The following ADNP variants were observed in gnomAD, a reference collection of about 807,000 sequenced individuals.
The protein encoded by ADNP is activity-dependent neuroprotector homeobox protein.
A neutral mutation model predicts 84.9 loss-of-function variants in ADNP; 4 were observed. The observed-to-expected ratio is 0.05, with a 90% confidence interval of 0.02 to 0.11. ADNP has a LOEUF of 0.11. Among genes scored for constraint, ADNP ranks in the 10% least tolerant of loss-of-function variants. ADNP has a pLI of 1.00. For synonymous variants in ADNP, 554 were observed against 468.1 expected (o/e 1.18, Z -2.37); for missense variants, 1,132 against 1,326.0 (o/e 0.85, Z 2.27).
At position 50,930,129 on chromosome 20, in the gene ADNP, T is replaced by TA. The variant is rs906624015; in HGVS notation, c.-265+696dup. On this transcript the variant is annotated intron_variant, in intron 1 of 5. Coordinates refer to ENST00000621696, the MANE Select transcript of ADNP (RefSeq NM_001282531.3). ...CAAAACTACTCCCCATTCATTACATTAAAAAAAAATCTTTTTGCAGCTCTC... is the reference window on the plus strand; with the variant it reads ...CAAAACTACTCCCCATTCATTACATTAAAAAAAAAATCTTTTTGCAGCTCTC... Among the ~76,000 whole-genome samples, 17 of 151,654 alleles carry TA rather than the reference T, an allele frequency of 1.1e-4. No homozygotes were observed. The East Asian group carries it at 1.9e-3, about 17-fold the overall frequency.
rs186024569 is a variant in ADNP, at chr20:50,907,205, G to A, written c.-89-2356C>T. The stretch of plus-strand genomic sequence containing the variant: ...TGGTCTTGATCTGACCTCGTGATCC[G>A]CCCATCTTGTGATCCGCCCATCTCA... On this transcript the variant is annotated intron_variant, in intron 2 of 5. Transcript: ENST00000621696. 2.1e-4 allele frequency among the ~76,000 whole-genome samples: 31 copies of A among 151,116 alleles called. No individual in the cohort carries two copies. The East Asian group carries it at 3.5e-3, about 17-fold the overall frequency.
chr20:50,918,910 T>C (rs1050456939), intron 2 of ADNP, among the ~76,000 whole-genome samples: 4 of 152,122 alleles, frequency 2.6e-5, no homozygotes, highest in African/African-American at 4.8e-5. Flanking sequence ...AACAATCTAA[T>C]GGTAAATAAA....
chr20:50,912,180 A>T (rs1983098314), intron 2 of ADNP, among the ~76,000 whole-genome samples: 1 of 152,094 alleles, frequency 6.6e-6, no homozygotes, highest in Admixed American at 6.6e-5. Context: ...TTTTTTTGAG[A>T]CGGAGTCTCC....
In ADNP at chr20:50,893,719, T is replaced by A. The variant is rs372148600; in HGVS notation, c.995A>T (p.Tyr332Phe). 3.3e-5 allele frequency: 54 copies of A among 1,614,028 alleles called. No individual in the cohort carries two copies. Among genetic ancestry groups the A allele is most frequent in the Non-Finnish European group, 4.5e-5 (53 of 1,180,044 alleles). The change falls in exon 6 of 6, where the codon TAT (tyrosine) becomes TTT (phenylalanine). Residue 332 changes from tyrosine (Y) to phenylalanine (F), a missense_variant. By Grantham distance (22) the Tyr-to-Phe change is conservative. Transcript: ENST00000621696. The surrounding 1 kb of genome is among the most constrained non-coding windows in gnomAD (Gnocchi z 4.4). ...MSSVHLQQNN[Y>F]GVKSVGQGYS... ...ACCCTGGCCTACAGATTTGACTCCATAGTTGTTCTGCTGCAGATGAACACT... is the reference window on the plus strand; with the variant it reads ...ACCCTGGCCTACAGATTTGACTCCAAAGTTGTTCTGCTGCAGATGAACACT...
intron 2 of ADNP, among the ~76,000 whole-genome samples, chr20:50,927,357 T>TTTCAATATA (rs1249822680): frequency 7.2e-5 from 11 of 152,076 alleles, no homozygotes; most frequent in African/African-American, 2.7e-4. Flanking sequence ...ATCAAAGAGG[T>TTTCAATATA]TAGTTTCAAT....
At chr20:50,903,690 C>T (rs1982206993) in intron 4 of ADNP, among the ~76,000 whole-genome samples, 199 bp downstream of exon 4, 1 of 152,306 alleles carries the variant, frequency 6.6e-6, no homozygotes, top group Non-Finnish European at 1.5e-5. Flanking sequence ...TGGTAGCCTT[C>T]TGCTTCAGGA....
chr20:50,891,868 A>G lies in ADNP; in HGVS notation c.2846T>C (p.Met949Thr). The G allele has an allele frequency of 1.9e-6, 3 of 1,614,216 alleles. No homozygotes were observed. The highest frequency in any genetic ancestry group is 1.1e-5 in the South Asian group (1 of 91,086). ...IHLTEEPTKL[M>T]HNASDSEVDQ... ...AACCTCACTATCAGATGCATTGTGC[A>G]TTAGTTTGGTTGGTTCCTCAGTCAA... The change falls in exon 6 of 6, where the codon ATG becomes ACG. Residue 949 changes from methionine (M) to threonine (T), a missense_variant. This residue lies in a region of ADNP where 381 missense variants were observed against 319.9 expected (regional missense o/e 1.19). Transcript: ENST00000621696.
In ADNP at chr20:50,892,536, T is replaced by C. The variant is rs761838945; in HGVS notation, c.2178A>G (p.Leu726=). 4.3e-6 allele frequency: 7 copies of C among 1,614,208 alleles called. No individual in the cohort carries two copies. The South Asian group carries it at 5.5e-5, about 13-fold the overall frequency. Residue 726 remains leucine, a synonymous_variant, in exon 6 of 6, where the codon TTA becomes TTG. Transcript: ENST00000621696. ...CATCATCTAACTTTCGTTTTTTCAG[T>C]AAGGGAAATTCCATTTGCTCGTAAG... The part of the protein sequence containing the change: ...KRTYEQMEFP[L]LKKRKLDDDS...
intron 2 of ADNP, among the ~76,000 whole-genome samples, chr20:50,921,987 C>T (rs1335220434): frequency 6.6e-6 from 1 of 152,220 alleles, no homozygotes; most frequent in Non-Finnish European, 1.5e-5. Flanking sequence ...TAGCACTCCA[C>T]TGCCTACATA....
In ADNP at chr20:50,889,864, TAA is replaced by T. The variant is rs1268949125; in HGVS notation, c.*1539_*1540del. 5 of 398,394 alleles carry T rather than the reference TAA, an allele frequency of 1.3e-5. No individual in the cohort carries two copies. The East Asian group carries it at 1.8e-4, about 14-fold the overall frequency. The allele number at this position is 398,394 out of a possible 1,614,324, so 24.7% of individuals were successfully genotyped here. On this transcript the variant is annotated 3_prime_UTR_variant, in exon 6 of 6. Coordinates refer to ENST00000621696, the MANE Select transcript of ADNP (RefSeq NM_001282531.3). The stretch of plus-strand genomic sequence containing the variant: ...GCTGTGCTCTTCAAAGCCTTTCCCT[TAA>T]TAGCAAGAGGGCCAAGAGTGGCAAA...
chr20:50,929,170 A>C (rs1451013039), intron 1 of ADNP, among the ~76,000 whole-genome samples: 1 of 152,198 alleles, frequency 6.6e-6, no homozygotes, highest in Non-Finnish European at 1.5e-5. Flanking sequence ...TATGCCCCCA[A>C]ACCTGTTACT....
chr20:50,891,976 A>G lies in ADNP; in HGVS notation c.2738T>C (p.Leu913Pro), dbSNP rs1980800185. Residue 913 changes from leucine to proline, a missense_variant, in exon 6 of 6, where the codon CTG becomes CCG. Leu to Pro is a moderately conservative substitution (Grantham distance 98, BLOSUM62 -3). Around this residue, in one of 10 missense-constraint regions of ADNP, gnomAD observed 381 missense variants for 319.9 expected, o/e 1.19. Transcript: ENST00000621696. Reference protein sequence around the residue: ...ISNDNPEEHVLKVIPEDASES... With the variant: ...ISNDNPEEHVPKVIPEDASES... ...TGAAGCATCCTCAGGAATTACCTTCAGTACATGTTCCTCTGGGTTATCGTT... is the reference window on the plus strand; with the variant it reads ...TGAAGCATCCTCAGGAATTACCTTCGGTACATGTTCCTCTGGGTTATCGTT... 1.9e-6 allele frequency: 3 copies of G among 1,614,126 alleles called. No homozygotes were observed. The highest frequency in any genetic ancestry group is 2.7e-5 in the African/African-American group (2 of 74,944).
At chr20:50,912,008 G>A (rs534412211) in intron 2 of ADNP, among the ~76,000 whole-genome samples, 2 of 152,064 alleles carry the variant, frequency 1.3e-5, no homozygotes, top group Admixed American at 6.6e-5. Context: ...CCAAAGTGAT[G>A]ACTAATGTAT....
rs766959422 is a variant in ADNP, at chr20:50,891,906, G to A, written c.2808C>T (p.Tyr936=). 8.4e-5 allele frequency: 136 copies of A among 1,614,034 alleles called. No homozygotes were observed. The highest frequency in any genetic ancestry group is 9.6e-5 in the Non-Finnish European group (113 of 1,180,034). Residue 936 remains tyrosine, a synonymous_variant, in exon 6 of 6, where the codon TAC becomes TAT. Transcript: ENST00000621696. ...KLDQKEDGSK[Y]ETIHLTEEPT... is the part of the protein sequence containing the mutation. ...GTTCCTCAGTCAAATGAATAGTTTC[G>A]TATTTTGAACCATCCTCTTTTTGGT...
chr20:50,914,142 G>A (rs1983314468), intron 2 of ADNP: 1 of 768,794 alleles, frequency 1.3e-6, no homozygotes, highest in African/African-American at 1.7e-5. Flanking sequence ...ATCATTATGA[G>A]GCTACAGCAA....
chr20:50,919,043 T>C (rs1983727200), intron 2 of ADNP, among the ~76,000 whole-genome samples: 1 of 152,156 alleles, frequency 6.6e-6, no homozygotes, highest in African/African-American at 2.4e-5. Flanking sequence ...CAATATCACC[T>C]GAAATAGTTA....
Position 50,891,120 on chromosome 20 carries a change from A to T in ADNP, c.*285T>A. On this transcript the variant is annotated 3_prime_UTR_variant, in exon 6 of 6. Transcript: ENST00000621696. ...ATTTCACAGAGGGAAAGAAATGTTGAAAAGGCAGATAAAATAAACCTCTGC... is the reference window on the plus strand; with the variant it reads ...ATTTCACAGAGGGAAAGAAATGTTGTAAAGGCAGATAAAATAAACCTCTGC... The T allele has an allele frequency of 8.3e-7, 1 of 1,199,376 alleles. No individual in the cohort carries two copies. Among genetic ancestry groups the T allele is most frequent in the Non-Finnish European group, 1.0e-6 (1 of 966,582 alleles). 74.3% of individuals were successfully genotyped at this position (1,199,376 alleles called of 1,614,324 possible).
At chr20:50,906,790 G>A (rs1044203154) in intron 2 of ADNP, among the ~76,000 whole-genome samples, 3 of 151,994 alleles carry the variant, frequency 2.0e-5, no homozygotes, top group African/African-American at 4.8e-5. Context: ...TATAAAAAGC[G>A]GTATTTCAGC....
intron 2 of ADNP, among the ~76,000 whole-genome samples, chr20:50,906,242 T>C (rs568422773): frequency 6.6e-6 from 1 of 151,894 alleles, no homozygotes; most frequent in Admixed American, 6.5e-5. Context: ...ATACAGTTAC[T>C]ACAAACCAGG....
Sources: gnomAD v4.1 joint callset for allele counts (sites outside exome capture counted in the v4.1 genomes callset) on GRCh38, gnomAD v4.1.1 for gene constraint, gnomAD v4.1.1 regional missense constraint, Gnocchi (gnomAD v3.1) non-coding constraint, MANE v1.5 for transcripts, NCBI Gene and HGNC (gene_info 2026-07-23, HGNC 2026-07-21) for gene names.